Variants in ACCSL observed in about 807,000 individuals in gnomAD.
ACCSL encodes the protein 1-aminocyclopropane-1-carboxylate synthase homolog (inactive) like, also known as probable inactive 1-aminocyclopropane-1-carboxylate synthase-like protein 2.
In ACCSL, 55 loss-of-function variants were observed where a neutral mutation model predicts 61.7. The observed-to-expected ratio is 0.89, with a 90% CI of 0.72 to 1.12. The LOEUF is 1.12. Among genes scored for constraint, ACCSL ranks in the 50% most tolerant of loss-of-function variants. ACCSL has a pLI of 0.00. For missense variants in ACCSL, 632 were observed against 698.0 expected (o/e 0.91, Z 1.07); for synonymous variants, 258 against 264.3 (o/e 0.98, Z 0.23).
the ACCSL span, among the ~76,000 whole-genome samples, chr11:44,020,584 T>A: frequency 6.6e-6 from 1 of 152,286 alleles, no homozygotes; most frequent in Non-Finnish European, 1.5e-5. Context: ...AATCACATGG[T>A]TTTTGTCCTT....
Position 44,053,029 on chromosome 11 carries a change from G to A in ACCSL, c.909G>A (p.Val303=). The A allele has an allele frequency of 6.2e-7, 1 of 1,614,158 alleles. No individual in the cohort carries two copies. Residue 303 remains valine, a synonymous_variant, in exon 7 of 14, where the codon GTG becomes GTA. Transcript: ENST00000378832. ...ACACCCATCCTTTCCAGCTCACTGT[G>A]GACAAGTTAGAGGAAGCCCTGCTTG... ...VTNTHPFQLT[V]DKLEEALLEA...
chr11:44,040,569 T>A, the ACCSL span, among the ~76,000 whole-genome samples: 1 of 152,146 alleles, frequency 6.6e-6, no homozygotes, highest in Non-Finnish European at 1.5e-5. Flanking sequence ...GCCACAGTGG[T>A]AAACACATTC....
the ACCSL span, among the ~76,000 whole-genome samples, chr11:43,983,002 G>T: frequency 1.3e-5 from 2 of 152,190 alleles, no homozygotes; most frequent in South Asian, 4.1e-4. Flanking sequence ...CTTGGGTGCA[G>T]GTGCCTAGGA....
chr11:43,925,576 A>G, the ACCSL span: 2 of 406,180 alleles, frequency 4.9e-6, no homozygotes, highest in Non-Finnish European at 1.0e-5. Flanking sequence ...TCGCTTTTGC[A>G]AGGGGGTACA....
Position 44,058,397 on chromosome 11 carries a change from G to GC in ACCSL, c.1409dup (p.Leu471IlefsTer28). 6.2e-7 allele frequency: 1 copy of GC among 1,614,122 alleles called. No homozygotes were observed. Among genetic ancestry groups the GC allele is most frequent in the Non-Finnish European group, 8.5e-7 (1 of 1,180,028 alleles). ...CAAGTACATCACTGCTGAGCTGAAG[G>GC]CATTGGAGATCCCTTTTCACAACCG... On this transcript the variant is annotated frameshift_variant, in exon 12 of 14. Transcript: ENST00000378832. LOFTEE classifies it high-confidence loss of function.
the ACCSL span, among the ~76,000 whole-genome samples, chr11:43,966,435 A>G: frequency 1.3e-5 from 2 of 152,024 alleles, no homozygotes; most frequent in East Asian, 1.9e-4. Flanking sequence ...CAAAAAAAAA[A>G]AAAAGAAAAA....
the ACCSL span, among the ~76,000 whole-genome samples, chr11:44,039,642 A>T: frequency 6.6e-6 from 1 of 152,236 alleles, no homozygotes; most frequent in African/African-American, 2.4e-5. Flanking sequence ...CTGTTTCCCA[A>T]AAACCTATGG....
At chr11:43,957,499 G>A in the ACCSL span, among the ~76,000 whole-genome samples, 2 of 152,158 alleles carry the variant, frequency 1.3e-5, no homozygotes, top group Admixed American at 6.5e-5. Context: ...AGAGGGAATA[G>A]ATGGTAAATG....
At chr11:44,008,006 C>G in the ACCSL span, among the ~76,000 whole-genome samples, 1 of 152,142 alleles carries the variant, frequency 6.6e-6, no homozygotes, top group Non-Finnish European at 1.5e-5. Flanking sequence ...CAGGGTCCAT[C>G]TCTTCCAGTG....
chr11:44,006,053 C>T, the ACCSL span, among the ~76,000 whole-genome samples: 2 of 152,208 alleles, frequency 1.3e-5, no homozygotes, highest in African/African-American at 4.8e-5. Context: ...GCCACCCCAG[C>T]GACCTCCAGG....
chr11:43,959,308 C>G, the ACCSL span, among the ~76,000 whole-genome samples: 1 of 152,120 alleles, frequency 6.6e-6, no homozygotes, highest in East Asian at 1.9e-4. Context: ...CATGGCCTGA[C>G]GTTGACCAAG....
At chr11:43,966,085 C>G in the ACCSL span, among the ~76,000 whole-genome samples, 1 of 120,790 alleles carries the variant, frequency 8.3e-6, no homozygotes, top group Non-Finnish European at 1.7e-5. Flanking sequence ...AATGCTCAAG[C>G]AACTAAAGAA....
the ACCSL span, among the ~76,000 whole-genome samples, chr11:44,042,636 TGTTTGTTTTGTTTG>T: frequency 6.8e-6 from 1 of 147,432 alleles, no homozygotes. Flanking sequence ...GTTTTTTTTT[TGTTTGTTTTGTTTG>T]TTTTTTTTGT....
At chr11:44,039,093 T>C in the ACCSL span, among the ~76,000 whole-genome samples, 4 of 152,180 alleles carry the variant, frequency 2.6e-5, no homozygotes, top group South Asian at 4.2e-4. Flanking sequence ...GGATTGTTTT[T>C]AGTTTTGTTT....
the ACCSL span, chr11:43,942,378 G>A: frequency 1.7e-4 from 37 of 216,032 alleles, no homozygotes; most frequent in Admixed American, 1.9e-3. Context: ...CCCTGTCCGG[G>A]CGCAGCTCGG....
the ACCSL span, among the ~76,000 whole-genome samples, chr11:43,933,807 C>T: frequency 6.6e-6 from 1 of 151,948 alleles, no homozygotes; most frequent in Non-Finnish European, 1.5e-5. Flanking sequence ...TCAGAGTCCC[C>T]AAGAGTCTCC....
At chr11:43,988,138 C>A in the ACCSL span, among the ~76,000 whole-genome samples, 1 of 152,116 alleles carries the variant, frequency 6.6e-6, no homozygotes, top group East Asian at 1.9e-4. Context: ...CTCCTCTCTG[C>A]TTTTAGGGAC....
chr11:43,943,883 A>C, the ACCSL span: 1 of 1,228,760 alleles, frequency 8.1e-7, no homozygotes, highest in African/African-American at 1.6e-5. The surrounding 1 kb of genome is among the most constrained non-coding windows in gnomAD (Gnocchi z 4.8). Context: ...TGCACAGTGC[A>C]GTTTTCCAGG....
the ACCSL span, among the ~76,000 whole-genome samples, chr11:44,023,627 G>GTTTT: frequency 1.7e-3 from 235 of 137,950 alleles, no homozygotes; most frequent in South Asian, 6.3e-3. Flanking sequence ...GATTTTATCT[G>GTTTT]TTTTTTTTTT....
Sources: gnomAD v4.1 joint callset for allele counts (sites outside exome capture counted in the v4.1 genomes callset) on GRCh38, gnomAD v4.1.1 for gene constraint, Gnocchi (gnomAD v3.1) non-coding constraint, MANE v1.5 for transcripts, NCBI Gene and HGNC (gene_info 2026-07-23, HGNC 2026-07-21) for gene names.